Variants in TNRC6A observed in about 807,000 individuals in gnomAD.
The protein encoded by TNRC6A is trinucleotide repeat containing adaptor 6A.
In TNRC6A, 44 loss-of-function variants were observed where a neutral mutation model predicts 221.2. That is an observed-to-expected ratio of 0.20 (90% CI 0.16 to 0.26). The LOEUF is 0.26. Ranked by LOEUF, TNRC6A falls within the 10% of genes least tolerant of loss-of-function variation. The probability of loss-of-function intolerance (pLI) is 1.00; values close to 1 mark genes in which losing one functional copy is unlikely to be tolerated. For synonymous variants in TNRC6A, 847 were observed against 838.5 expected (o/e 1.01, Z -0.18); for missense variants, 2,199 against 2,404.4 (o/e 0.91, Z 1.79).
intron 2 of TNRC6A, among the ~76,000 whole-genome samples, chr16:24,666,990 C>G (rs2055186169): frequency 6.6e-6 from 1 of 151,944 alleles, no homozygotes; most frequent in Admixed American, 6.6e-5. Flanking sequence ...GTGGCACGTG[C>G]CTGTAGCCCC....
In TNRC6A at chr16:24,643,067, A is replaced by ATTATATATATATTATATATATATATT. The variant is rs1405029122; in HGVS notation, n.402+2071_402+2096dup. ...TCTTTAATATATATATAACATATATATTATATATATATTATATATATATAT... is the reference window on the plus strand; with the variant it reads ...TCTTTAATATATATATAACATATATATTATATATATATTATATATATATATTTTATATATATATTATATATATATAT... On this transcript the variant is annotated intron_variant and non_coding_transcript_variant, in intron 2 of 2. Coordinates refer to the TNRC6A transcript ENST00000566108. Among the ~76,000 whole-genome samples the ATTATATATATATTATATATATATATT allele has an allele frequency of 3.7e-5, 5 of 136,614 alleles. No homozygotes were observed. In the South Asian group the frequency reaches 8.9e-4, roughly 24 times the overall value. The allele number at this position is 136,614 out of a possible 152,430, so 89.6% of individuals were successfully genotyped here. A position where few individuals can be genotyped will look rare whatever the true frequency, so the allele number is the denominator to read the frequency against.
chr16:24,750,025 G>A (rs1323141895), intron 2 of TNRC6A, among the ~76,000 whole-genome samples: 3 of 151,986 alleles, frequency 2.0e-5, no homozygotes, highest in African/African-American at 7.3e-5. Flanking sequence ...TTGTAAACCC[G>A]GCTACTCGGG....
rs779955846 is a variant in TNRC6A, at chr16:24,804,717, G to A, written c.3850G>A (p.Ala1284Thr). The A allele has an allele frequency of 9.4e-6, 15 of 1,593,132 alleles. No homozygotes were observed. The highest frequency in any genetic ancestry group is 5.7e-5 in the Admixed American group (3 of 52,378). The change falls in exon 13 of 25, where the codon GCA becomes ACA. Residue 1284 changes from alanine to threonine, a missense_variant. Coordinates refer to ENST00000395799, the MANE Select transcript of TNRC6A (RefSeq NM_014494.4). ...NPYFDKDGIV[A>T]DESQNMQFMS... ...TCTGTCCAATCAGGATGGCATTGTA[G>A]CAGATGAATCCCAAAACATGCAGTT...
intron 11 of TNRC6A, among the ~76,000 whole-genome samples, chr16:24,801,540 T>TC (rs2058331015): frequency 6.6e-6 from 1 of 150,944 alleles, no homozygotes. Flanking sequence ...TCTCTTTTTT[T>TC]TTTTTTTTTT....
intron 1 of TNRC6A, among the ~76,000 whole-genome samples, chr16:24,611,010 A>T (rs948459194): frequency 4.6e-5 from 7 of 151,818 alleles, no homozygotes; most frequent in African/African-American, 1.7e-4. Flanking sequence ...ATGGGGTTTC[A>T]CCATGTTGGC....
intron 2 of TNRC6A, among the ~76,000 whole-genome samples, chr16:24,745,607 C>T (rs1373268206): frequency 6.6e-6 from 1 of 152,086 alleles, no homozygotes; most frequent in Admixed American, 6.6e-5. Flanking sequence ...AAAGTTGCTT[C>T]CTGTTTTCTG....
At chr16:24,821,780 G>T (rs191814941) in intron 22 of TNRC6A, 162 of 430,772 alleles carry the variant, frequency 3.8e-4, no homozygotes, top group African/African-American at 2.8e-3. Context: ...GATTATTTTA[G>T]CTCCTATCAA....
At chr16:24,815,038 C>CT (rs2058627178) in intron 18 of TNRC6A, 109 bp from the exon 19 acceptor site, 1 of 1,258,014 alleles carries the variant, frequency 7.9e-7, no homozygotes, top group African/African-American at 1.5e-5. Flanking sequence ...AGAACACAGC[C>CT]TAGAGCCCAC....
rs530939972 is a variant in TNRC6A, at chr16:24,686,289, G to A, written n.402+45280G>A. Among the ~76,000 whole-genome samples the A allele has an allele frequency of 4.6e-5, 7 of 152,236 alleles. No individual in the cohort carries two copies. In the East Asian group the frequency reaches 1.2e-3, roughly 25 times the overall value. On this transcript the variant is annotated intron_variant and non_coding_transcript_variant, in intron 2 of 2. Transcript: ENST00000566108. ...TTTAACCACTTCCCTCACGCGAGCCGAGAGGCCAGCCTGGCCAGGACCCAT... is the reference window on the plus strand; with the variant it reads ...TTTAACCACTTCCCTCACGCGAGCCAAGAGGCCAGCCTGGCCAGGACCCAT...
intron 1 of TNRC6A, among the ~76,000 whole-genome samples, chr16:24,632,019 C>T (rs559900257): frequency 1.3e-5 from 2 of 151,956 alleles, no homozygotes; most frequent in Middle Eastern, 3.4e-3. Context: ...CCACCACACC[C>T]AGCTACTTTT....
At chr16:24,665,584 A>G (rs1349091059) in intron 2 of TNRC6A, among the ~76,000 whole-genome samples, 1 of 152,166 alleles carries the variant, frequency 6.6e-6, no homozygotes. Flanking sequence ...CCTCAGCACT[A>G]TTCACATTTT....
chr16:24,730,140 C>T, intron 1 of TNRC6A, 113 bp from the exon 2 acceptor site: 1 of 1,054,884 alleles, frequency 9.5e-7, no homozygotes, highest in East Asian at 3.0e-5. Context: ...GTCCTCTCCC[C>T]TCCCCCATCC....
chr16:24,725,947 C>G (rs2056484138), upstream of TNRC6A, among the ~76,000 whole-genome samples: 4 of 151,400 alleles, frequency 2.6e-5, no homozygotes, highest in Admixed American at 2.6e-4. Context: ...TTGCAGTGAG[C>G]TGAGATCATG....
intron 2 of TNRC6A, among the ~76,000 whole-genome samples, chr16:24,735,375 C>T (rs1408432650): frequency 6.6e-6 from 1 of 152,162 alleles, no homozygotes; most frequent in African/African-American, 2.4e-5. Context: ...AATTCATCAA[C>T]CTTTGTCTGA....
intron 15 of TNRC6A, 113 bp from the exon 16 acceptor site, chr16:24,806,093 T>TGGCTAGATCACGTC (rs2058426122): frequency 9.0e-7 from 1 of 1,111,608 alleles, no homozygotes; most frequent in African/African-American, 1.6e-5. Context: ...CTAGACATGT[T>TGGCTAGATCACGTC]GGCATTGGCT....
intron 3 of TNRC6A, among the ~76,000 whole-genome samples, chr16:24,754,622 TTC>T (rs1224314592): frequency 2.0e-5 from 3 of 152,100 alleles, no homozygotes; most frequent in Non-Finnish European, 4.4e-5. Flanking sequence ...TCTCTCCAGG[TTC>T]TGTTTTTAGA....
intron 5 of TNRC6A, among the ~76,000 whole-genome samples, chr16:24,785,900 T>A (rs900982532): frequency 7.9e-5 from 12 of 152,156 alleles, no homozygotes; most frequent in Admixed American, 4.6e-4. Flanking sequence ...GGAAAAAAGA[T>A]GTATGGATTT....
chr16:24,624,468 G>A (rs1421429534), intron 1 of TNRC6A, among the ~76,000 whole-genome samples: 1 of 95,558 alleles, frequency 1.0e-5, no homozygotes, highest in African/African-American at 4.9e-5. Flanking sequence ...GCTAAGGACC[G>A]TTTGTTTGTT....
chr16:24,711,110 C>T (rs373083712), intron 2 of TNRC6A, among the ~76,000 whole-genome samples: 10 of 152,114 alleles, frequency 6.6e-5, no homozygotes, highest in African/African-American at 2.4e-4. Context: ...CTCCTGACCT[C>T]GTGATCCACC....
Sources: allele counts gnomAD v4.1 joint callset (sites outside exome capture counted in the v4.1 genomes callset), GRCh38; gene constraint gnomAD v4.1.1; transcripts MANE v1.5; gene names NCBI Gene and HGNC (gene_info 2026-07-23, HGNC 2026-07-21).